Variants in PLEKHA6 observed in about 807,000 individuals in gnomAD.
PLEKHA6 encodes the protein pleckstrin homology domain containing A6, also known as pleckstrin homology domain-containing family A member 6.
PLEKHA6 carries 60 observed loss-of-function variants against 116.7 expected under a neutral mutation model. That is an observed-to-expected ratio of 0.51 (90% CI 0.42 to 0.64). The LOEUF (loss-of-function observed/expected upper bound fraction) is 0.64, where lower values mean the gene tolerates loss of function less well. Ranked by LOEUF, PLEKHA6 falls within the 30% of genes least tolerant of loss-of-function variation. The pLI is 0.00. For synonymous variants in PLEKHA6, 489 were observed against 556.1 expected, an observed-to-expected ratio of 0.88 and a Z score of 1.70; for missense variants, 1,338 against 1,422.7, an observed-to-expected ratio of 0.94 and a Z score of 0.96.
At chr1:204,287,243 T>A (rs1202107579) in intron 1 of PLEKHA6, among the ~76,000 whole-genome samples, 1 of 151,698 alleles carries the variant, frequency 6.6e-6, no homozygotes, top group Non-Finnish European at 1.5e-5. Context: ...TCTTTTTTTT[T>A]TTTTTTAAAT....
At chr1:204,339,321 C>T (rs113030376) in intron 1 of PLEKHA6, among the ~76,000 whole-genome samples, 1 of 152,244 alleles carries the variant, frequency 6.6e-6, no homozygotes, top group African/African-American at 2.4e-5. Context: ...ACCTAGAGAA[C>T]CCTGAGAGAC....
At chr1:204,258,012 A>T in intron 8 of PLEKHA6, 143 bp from the exon 9 acceptor site, 1 of 700,062 alleles carries the variant, frequency 1.4e-6, no homozygotes, top group South Asian at 1.9e-5. Flanking sequence ...GAGATGAGGG[A>T]AAGACTCCTG....
chr1:204,263,420 C>T (rs1338814479), intron 6 of PLEKHA6, among the ~76,000 whole-genome samples: 1 of 152,166 alleles, frequency 6.6e-6, no homozygotes, highest in Non-Finnish European at 1.5e-5. Flanking sequence ...TCGGTGGCCA[C>T]AACAGGACAA....
chr1:204,308,037 T>C (rs1298905924), intron 1 of PLEKHA6: 1 of 234,396 alleles, frequency 4.3e-6, no homozygotes, highest in African/African-American at 2.3e-5. Context: ...TCCTCACCTC[T>C]CCCAATTTTC....
chr1:204,244,028 A>C (rs11807583), intron 15 of PLEKHA6, among the ~76,000 whole-genome samples: 10,028 of 151,246 alleles, frequency 0.066, 421 homozygotes, highest in Middle Eastern at 0.12. Flanking sequence ...TCACTGTGTT[A>C]GCCAGGATGG....
intron 10 of PLEKHA6, among the ~76,000 whole-genome samples, chr1:204,249,656 C>G (rs368978365): frequency 1.3e-5 from 2 of 152,162 alleles, no homozygotes; most frequent in Admixed American, 6.5e-5. Context: ...GCAATAGAAA[C>G]TGTCCCTCAA....
At chr1:204,331,910 A>T (rs1014172255) in intron 1 of PLEKHA6, among the ~76,000 whole-genome samples, 1 of 143,862 alleles carries the variant, frequency 7.0e-6, no homozygotes, top group Non-Finnish European at 1.5e-5. Context: ...CCCAGTGTCC[A>T]TCCCAGCCCA....
In PLEKHA6 at chr1:204,235,685, AC is replaced by A. The variant is rs1345567151; in HGVS notation, c.2410-5100del. On this transcript the variant is annotated intron_variant, in intron 17 of 22. Coordinates refer to ENST00000272203, the MANE Select transcript of PLEKHA6 (RefSeq NM_014935.5). ...ACTTAGAATGGGGACATGTAGGAGG[AC>A]CCTGATGAAGCTGGGGACATGTAGG... Among the ~76,000 whole-genome samples, 19 of 126,568 alleles carry A rather than the reference AC, an allele frequency of 1.5e-4. No homozygotes were observed. The East Asian group carries it at 2.1e-3, about 14-fold the overall frequency. The allele number at this position is 126,568 out of a possible 152,430, so 83.0% of individuals were successfully genotyped here.
In PLEKHA6 at chr1:204,221,623, G is replaced by A. The variant is rs1457832508; in HGVS notation, c.*1165C>T. ...TCAGCTGGCCCACTGCACATTCCAG[G>A]GGGAACAGGGCAAGAAATATCATGG... On this transcript the variant is annotated 3_prime_UTR_variant, in exon 23 of 23. Transcript: ENST00000272203. 1.3e-5 allele frequency: 2 copies of A among 152,478 alleles called. No individual in the cohort carries two copies. Among genetic ancestry groups the A allele is most frequent in the African/African-American group, 4.8e-5 (2 of 41,410 alleles). 9.4% of individuals were successfully genotyped at this position (152,478 alleles called of 1,614,324 possible). A position where few individuals can be genotyped will look rare whatever the true frequency, so the allele number is the denominator to read the frequency against.
intron 1 of PLEKHA6, chr1:204,299,662 T>C: frequency 1.0e-6 from 1 of 984,872 alleles, no homozygotes; most frequent in Non-Finnish European, 1.2e-6. Context: ...TCTACTGTCT[T>C]AGGGCCTCAC....
chr1:204,235,103 C>T (rs1661849299), intron 17 of PLEKHA6, among the ~76,000 whole-genome samples: 1 of 149,356 alleles, frequency 6.7e-6, no homozygotes, highest in Admixed American at 6.7e-5. Context: ...AGGATGAACC[C>T]TAATTAATAC....
At chr1:204,269,051 A>G (rs1306599586) in intron 3 of PLEKHA6, among the ~76,000 whole-genome samples, 1 of 151,582 alleles carries the variant, frequency 6.6e-6, no homozygotes, top group Non-Finnish European at 1.5e-5. Flanking sequence ...CTCCACCTGC[A>G]CTCCAGCGAT....
chr1:204,269,554 T>C (rs1667232900), intron 3 of PLEKHA6, among the ~76,000 whole-genome samples: 1 of 150,174 alleles, frequency 6.7e-6, no homozygotes, highest in South Asian at 2.1e-4. Context: ...ACCCTCACCA[T>C]CCTTCCCAGC....
chr1:204,305,045 A>C (rs1046175398), intron 1 of PLEKHA6, among the ~76,000 whole-genome samples: 4 of 152,152 alleles, frequency 2.6e-5, no homozygotes, highest in African/African-American at 9.7e-5. Flanking sequence ...GAAGAAGGCA[A>C]TCTACTCCAA....
intron 6 of PLEKHA6, among the ~76,000 whole-genome samples, chr1:204,264,023 TC>T (rs1022241926): frequency 3.9e-5 from 6 of 152,114 alleles, no homozygotes; most frequent in African/African-American, 1.4e-4. Flanking sequence ...CAGAGTCCCT[TC>T]TTCTAAGGCT....
At chr1:204,330,474 A>G (rs533935280) in intron 1 of PLEKHA6, among the ~76,000 whole-genome samples, 2 of 152,352 alleles carry the variant, frequency 1.3e-5, no homozygotes, top group African/African-American at 4.8e-5. Context: ...ACTTTTGTGT[A>G]TGCTTGATTC....
chr1:204,246,213 C>T (rs1441640071), intron 13 of PLEKHA6, among the ~76,000 whole-genome samples: 1 of 152,192 alleles, frequency 6.6e-6, no homozygotes, highest in Non-Finnish European at 1.5e-5. Context: ...TATTTAGCAT[C>T]CCTCAGCACC....
chr1:204,234,975 T>TAACTAATAGC lies in PLEKHA6; in HGVS notation c.2410-4390_2410-4389insGCTATTAGTT, dbSNP rs1486999492. On this transcript the variant is annotated intron_variant, in intron 17 of 22. Coordinates refer to ENST00000272203, the MANE Select transcript of PLEKHA6 (RefSeq NM_014935.5). ...CCCTTTATATATATATATATATATA[T>TAACTAATAGC]ATATATATATATATATATATATATA... 4.1e-3 allele frequency among the ~76,000 whole-genome samples: 60 copies of TAACTAATAGC among 14,618 alleles called. 1 individual carries two copies. The highest frequency in any genetic ancestry group is 0.015 in the East Asian group (6 of 406). 9.6% of individuals were successfully genotyped at this position (14,618 alleles called of 152,430 possible). A position where few individuals can be genotyped will look rare whatever the true frequency, so the allele number is the denominator to read the frequency against.
intron 9 of PLEKHA6, among the ~76,000 whole-genome samples, chr1:204,254,374 C>G (rs1483597071): frequency 6.6e-6 from 1 of 152,204 alleles, no homozygotes; most frequent in Non-Finnish European, 1.5e-5. Context: ...CGACATGAAG[C>G]CCTGGTGAGA....
Sources: allele counts gnomAD v4.1 joint callset (sites outside exome capture counted in the v4.1 genomes callset), GRCh38; gene constraint gnomAD v4.1.1; transcripts MANE v1.5; gene names NCBI Gene and HGNC (gene_info 2026-07-23, HGNC 2026-07-21).